The following PIP4K2A variants were observed in gnomAD, a reference collection of about 807,000 sequenced individuals.
The protein encoded by PIP4K2A is phosphatidylinositol-5-phosphate 4-kinase type 2 alpha.
A neutral mutation model predicts 42.9 loss-of-function variants in PIP4K2A; 14 were observed. The ratio of observed to expected loss-of-function variants is 0.33; its 90% CI spans 0.22 to 0.51. The LOEUF (loss-of-function observed/expected upper bound fraction) is 0.51. Among genes scored for constraint, PIP4K2A ranks in the 20% least tolerant of loss-of-function variants. PIP4K2A has a pLI of 0.97. For missense variants in PIP4K2A, 434 were observed against 519.8 expected (o/e 0.83, Z 1.61); for synonymous variants, 192 against 192.2 (o/e 1.00, Z 0.01).
At chr10:22,561,845 C>T (rs1836712479) in intron 6 of PIP4K2A, among the ~76,000 whole-genome samples, 1 of 151,888 alleles carries the variant, frequency 6.6e-6, no homozygotes, top group African/African-American at 2.4e-5. Context: ...GGATTACAGG[C>T]GTGAGCCACC....
intron 1 of PIP4K2A, among the ~76,000 whole-genome samples, chr10:22,651,629 T>C (rs148106452): frequency 6.6e-6 from 1 of 152,360 alleles, no homozygotes; most frequent in Non-Finnish European, 1.5e-5. Flanking sequence ...CTTCTAAGCA[T>C]TGTGAACCTG....
intron 3 of PIP4K2A, among the ~76,000 whole-genome samples, chr10:22,592,191 G>C (rs909239138): frequency 6.6e-6 from 1 of 152,198 alleles, no homozygotes; most frequent in African/African-American, 2.4e-5. Context: ...ATTTTGCACA[G>C]ATTATTTCCC....
At chr10:22,636,509 T>C (rs1387092572) in intron 1 of PIP4K2A, among the ~76,000 whole-genome samples, 1 of 152,220 alleles carries the variant, frequency 6.6e-6, no homozygotes, top group African/African-American at 2.4e-5. Flanking sequence ...GCGATTCTCC[T>C]GCCTCAGCCT....
intron 1 of PIP4K2A, chr10:22,713,970 A>C: frequency 4.6e-6 from 2 of 433,828 alleles, no homozygotes; most frequent in Non-Finnish European, 8.2e-6. Flanking sequence ...ACCGGGCCAT[A>C]GATCTAAAGG....
intron 1 of PIP4K2A, among the ~76,000 whole-genome samples, chr10:22,701,282 G>A (rs1264100422): frequency 1.3e-5 from 2 of 152,132 alleles, no homozygotes; most frequent in Non-Finnish European, 2.9e-5. Flanking sequence ...AGTCACTGTC[G>A]ATTCCTTCCT....
chr10:22,598,350 T>TC (rs2130831916), intron 3 of PIP4K2A, among the ~76,000 whole-genome samples: 1 of 152,302 alleles, frequency 6.6e-6, no homozygotes, highest in African/African-American at 2.4e-5. Flanking sequence ...AGACAGAGAC[T>TC]CTGTTAAAAA....
chr10:22,685,312 T>C (rs1442405926), intron 1 of PIP4K2A, among the ~76,000 whole-genome samples: 1 of 152,164 alleles, frequency 6.6e-6, no homozygotes, highest in Non-Finnish European at 1.5e-5. Flanking sequence ...TGAATCATAA[T>C]ACTAAAAAAT....
intron 7 of PIP4K2A, among the ~76,000 whole-genome samples, chr10:22,549,837 TCAAAAAAAAAAAAAAAAAAAAAAA>T (rs1353435129): frequency 1.1e-4 from 2 of 18,258 alleles, no homozygotes; most frequent in Non-Finnish European, 1.8e-4. Flanking sequence ...AGAATCCATC[TCAAAAAAAAAAAAAAAAAAAAAAA>T]AAAAAAAAAA....
At chr10:22,656,101 A>G (rs77929365) in intron 1 of PIP4K2A, among the ~76,000 whole-genome samples, 20,322 of 152,172 alleles carry the variant, frequency 0.13, 1,584 homozygotes, top group Middle Eastern at 0.22. Flanking sequence ...CTCAACTCCT[A>G]TGGCACATTT....
intron 5 of PIP4K2A, 98 bp downstream of exon 5, chr10:22,573,213 G>T: frequency 9.2e-7 from 1 of 1,085,154 alleles, no homozygotes; most frequent in Non-Finnish European, 1.4e-6. Context: ...TTTAAGTGCT[G>T]AGCGGCTCCT....
chr10:22,651,576 G>T (rs576891019), intron 1 of PIP4K2A, among the ~76,000 whole-genome samples: 1 of 152,268 alleles, frequency 6.6e-6, no homozygotes, highest in South Asian at 2.1e-4. Flanking sequence ...CTTCCTAGGC[G>T]TCCACACCAC....
intron 1 of PIP4K2A, among the ~76,000 whole-genome samples, chr10:22,688,322 G>C (rs779728202): frequency 3.3e-5 from 5 of 152,200 alleles, no homozygotes; most frequent in Non-Finnish European, 7.3e-5. Flanking sequence ...AAGGACTATA[G>C]CTAATAAACC....
In PIP4K2A at chr10:22,714,220, G is replaced by C; in HGVS notation, c.107C>G (p.Pro36Arg). The C allele has an allele frequency of 1.2e-6, 2 of 1,611,792 alleles. No individual in the cohort carries two copies. The highest frequency in any genetic ancestry group is 1.7e-6 in the Non-Finnish European group (2 of 1,178,820). ...QKVKLFRASD[P>R]LLSVLMWGVN... ...CCCCCACATGAGGACGCTGAGCAGCGGGTCGCTGGCCCGAAACAGCTTCAC... is the reference window on the plus strand; with the variant it reads ...CCCCCACATGAGGACGCTGAGCAGCCGGTCGCTGGCCCGAAACAGCTTCAC... Residue 36 changes from proline (P) to arginine (R), a missense_variant, in exon 1 of 10, where the codon CCG (proline) becomes CGG (arginine). This residue lies in a region of PIP4K2A where 395 missense variants were observed against 444.5 expected (regional missense o/e 0.89). Coordinates refer to ENST00000376573, the MANE Select transcript of PIP4K2A (RefSeq NM_005028.5).
At chr10:22,600,372 ATC>A (rs1837732957) in intron 3 of PIP4K2A, among the ~76,000 whole-genome samples, 1 of 152,108 alleles carries the variant, frequency 6.6e-6, no homozygotes, top group African/African-American at 2.4e-5. Flanking sequence ...CGTGACAGCC[ATC>A]TCCTCACGGT....
intron 6 of PIP4K2A, among the ~76,000 whole-genome samples, chr10:22,551,235 G>T (rs865777184): frequency 3.9e-5 from 6 of 152,188 alleles, no homozygotes; most frequent in Middle Eastern, 3.4e-3. Context: ...ATGTTATCTT[G>T]TCTCAGAACA....
chr10:22,660,213 G>A (rs1458707748), intron 1 of PIP4K2A, among the ~76,000 whole-genome samples: 2 of 152,160 alleles, frequency 1.3e-5, no homozygotes, highest in African/African-American at 4.8e-5. Context: ...GCTCATACCT[G>A]TAATCCTAGC....
At chr10:22,540,203 G>T in intron 8 of PIP4K2A, 129 bp from the exon 9 acceptor site, 1 of 662,656 alleles carries the variant, frequency 1.5e-6, no homozygotes, top group Non-Finnish European at 2.7e-6. Context: ...GATGGAAGGA[G>T]TCCAGAGACA....
chr10:22,553,776 A>G (rs965343145), intron 6 of PIP4K2A, among the ~76,000 whole-genome samples: 2 of 142,610 alleles, frequency 1.4e-5, no homozygotes, highest in African/African-American at 5.2e-5. Flanking sequence ...AATGGGTATT[A>G]CAGGTTGAAA....
intron 2 of PIP4K2A, among the ~76,000 whole-genome samples, chr10:22,609,019 T>C (rs1837971417): frequency 6.6e-6 from 1 of 152,236 alleles, no homozygotes; most frequent in Admixed American, 6.5e-5. Flanking sequence ...TATCATACTT[T>C]GCACACTGAA....
Sources: allele counts gnomAD v4.1 joint callset (sites outside exome capture counted in the v4.1 genomes callset), GRCh38; gene constraint gnomAD v4.1.1; regional missense constraint gnomAD v4.1.1; transcripts MANE v1.5; gene names NCBI Gene and HGNC (gene_info 2026-07-23, HGNC 2026-07-21).